The following ZNF362 variants were observed in gnomAD, a reference collection of about 807,000 sequenced individuals.
ZNF362 encodes the protein rotund homolog.
A neutral mutation model predicts 42.9 loss-of-function variants in ZNF362; 11 were observed. The observed-to-expected ratio is 0.26, with a 90% confidence interval of 0.16 to 0.42. ZNF362 has a LOEUF of 0.42. ZNF362 is among the 20% of genes least tolerant of loss of function. The pLI is 1.00. For synonymous variants in ZNF362, 255 were observed against 257.3 expected (o/e 0.99, Z 0.09); for missense variants, 362 against 576.2 (o/e 0.63, Z 3.81).
chr1:33,270,917 T>C (rs762632034), intron 2 of ZNF362, among the ~76,000 whole-genome samples: 74 of 152,286 alleles, frequency 4.9e-4, no homozygotes, highest in Non-Finnish European at 6.3e-4. Flanking sequence ...TTTGTCAGCA[T>C]TGGTATGCAG....
chr1:33,134,754 C>T, the ZNF362 span, among the ~76,000 whole-genome samples: 39 of 152,326 alleles, frequency 2.6e-4, no homozygotes, highest in Admixed American at 1.3e-3. Flanking sequence ...CAGCTTGCTG[C>T]GCCTGCCCTC....
At position 33,299,120 on chromosome 1, in the gene ZNF362, C is replaced by A; in HGVS notation, c.*74C>A. 1 of 1,170,086 alleles carries A rather than the reference C, an allele frequency of 8.5e-7. No individual in the cohort carries two copies. The highest frequency in any genetic ancestry group is 1.3e-6 in the Non-Finnish European group (1 of 797,334). 72.5% of individuals were successfully genotyped at this position (1,170,086 alleles called of 1,614,324 possible). ...AGGCAGCACCAGGCCCCAGCTCCCT[C>A]CGGGGGCCCTCCAGGAACCACCAAG... On this transcript the variant is annotated 3_prime_UTR_variant, in exon 9 of 9. Coordinates refer to ENST00000539719, the MANE Select transcript of ZNF362 (RefSeq NM_152493.3).
At chr1:33,164,739 T>C in the ZNF362 span, 7 of 152,200 alleles carry the variant, frequency 4.6e-5, no homozygotes, top group African/African-American at 1.7e-4. Context: ...GGGGACATGC[T>C]CAGGATTGAC....
rs1436406314 is a variant in ZNF362, at chr1:33,276,359, G to T, written c.114G>T (p.Leu38=). 7.1e-6 allele frequency: 11 copies of T among 1,559,052 alleles called. No homozygotes were observed. Among genetic ancestry groups the T allele is most frequent in the Non-Finnish European group, 9.6e-6 (11 of 1,151,104 alleles). The stretch of plus-strand genomic sequence containing the variant: ...TCTTCTTCCCGCAGCTGGACAACCT[G>T]GTTCTGATTAACAAGATCAAGGAGC... ...PPTMPSQLDN[L]VLINKIKEQL... Residue 38 remains leucine, a synonymous_variant, in exon 4 of 9, where the codon CTG becomes CTT. Coordinates refer to ENST00000539719, the MANE Select transcript of ZNF362 (RefSeq NM_152493.3).
chr1:33,227,408 G>T, the ZNF362 span, among the ~76,000 whole-genome samples: 1 of 152,138 alleles, frequency 6.6e-6, no homozygotes, highest in African/African-American at 2.4e-5. Context: ...CTCTTTAGAT[G>T]TTCCTGCTCA....
chr1:33,197,632 G>A, the ZNF362 span, among the ~76,000 whole-genome samples: 1 of 152,170 alleles, frequency 6.6e-6, no homozygotes, highest in Non-Finnish European at 1.5e-5. Context: ...TTACTGCCTA[G>A]AAAGAGTTTC....
chr1:33,264,579 T>TG, intron 1 of ZNF362, among the ~76,000 whole-genome samples: 1 of 152,340 alleles, frequency 6.6e-6, no homozygotes, highest in Non-Finnish European at 1.5e-5. Context: ...AGGCCTGAGC[T>TG]GGGGCTATCT....
At chr1:33,293,032 G>T (rs983086766) in intron 6 of ZNF362, among the ~76,000 whole-genome samples, 2 of 152,244 alleles carry the variant, frequency 1.3e-5, no homozygotes, top group African/African-American at 4.8e-5. Flanking sequence ...ACTGGGGCCC[G>T]TCCCTGCCCT....
the ZNF362 span, among the ~76,000 whole-genome samples, chr1:33,237,494 C>T: frequency 6.6e-6 from 1 of 152,176 alleles, no homozygotes; most frequent in Non-Finnish European, 1.5e-5. Context: ...AAGATGACAT[C>T]GATATGGCTC....
At chr1:33,282,107 G>C (rs186329666) in intron 6 of ZNF362, 1 of 429,188 alleles carries the variant, frequency 2.3e-6, no homozygotes. Context: ...CTTCCTCCAG[G>C]AAGCCCTCCC....
rs562908936 is a variant in ZNF362, at chr1:33,289,872, T to G, written c.909-5065T>G. Among the ~76,000 whole-genome samples the G allele has an allele frequency of 4.6e-5, 7 of 152,260 alleles. No homozygotes were observed. In the East Asian group the frequency reaches 1.4e-3, roughly 29 times the overall value. ...CTGGGAAGCCGATGTCTTTGTTTCCTGCGAGGTGGGCCGCAGGGAGCCTGA... is the reference window on the plus strand; with the variant it reads ...CTGGGAAGCCGATGTCTTTGTTTCCGGCGAGGTGGGCCGCAGGGAGCCTGA... On this transcript the variant is annotated intron_variant, in intron 6 of 8. Transcript: ENST00000539719.
At chr1:33,200,894 G>A in the ZNF362 span, among the ~76,000 whole-genome samples, 1 of 152,210 alleles carries the variant, frequency 6.6e-6, no homozygotes, top group African/African-American at 2.4e-5. Flanking sequence ...ACTATGACTG[G>A]TGTCTTTGTA....
At chr1:33,270,865 T>C (rs1645898000) in intron 2 of ZNF362, among the ~76,000 whole-genome samples, 1 of 152,132 alleles carries the variant, frequency 6.6e-6, no homozygotes, top group Non-Finnish European at 1.5e-5. Flanking sequence ...GTCATTTGTG[T>C]CTGGGTTTGG....
the ZNF362 span, chr1:33,181,351 G>T: frequency 6.3e-7 from 1 of 1,590,668 alleles, no homozygotes. This position sits in a 1 kb window ranked among gnomAD's most constrained non-coding sequence, Gnocchi z 6.5. Context: ...CAGAAGTAAT[G>T]CTCGCAGCCC....
chr1:33,290,856 T>C (rs1300044471), intron 6 of ZNF362, among the ~76,000 whole-genome samples: 2 of 152,270 alleles, frequency 1.3e-5, no homozygotes, highest in African/African-American at 2.4e-5. Context: ...GCTGCATAGA[T>C]GTCTTCTTTT....
At chr1:33,222,298 A>G in the ZNF362 span, among the ~76,000 whole-genome samples, 9 of 152,000 alleles carry the variant, frequency 5.9e-5, no homozygotes, top group Non-Finnish European at 1.2e-4. Flanking sequence ...CACCAACCCT[A>G]TTTCTAACCT....
chr1:33,176,910 C>T, the ZNF362 span, among the ~76,000 whole-genome samples: 1 of 152,222 alleles, frequency 6.6e-6, no homozygotes, highest in Non-Finnish European at 1.5e-5. Flanking sequence ...GGCATTCAGA[C>T]TGGGCTCGAT....
At chr1:33,258,157 G>C (rs1237420491) in intron 1 of ZNF362, among the ~76,000 whole-genome samples, 1 of 152,162 alleles carries the variant, frequency 6.6e-6, no homozygotes, top group Non-Finnish European at 1.5e-5. Context: ...CCTGCCCTAC[G>C]CCCGGGAGGT....
chr1:33,167,001 A>C, the ZNF362 span, among the ~76,000 whole-genome samples: 1 of 152,070 alleles, frequency 6.6e-6, no homozygotes, highest in African/African-American at 2.4e-5. This position sits in a 1 kb window ranked among gnomAD's most constrained non-coding sequence, Gnocchi z 4.2. Flanking sequence ...ACCCTCCCCC[A>C]TCACTCCCAT....
Sources: allele counts gnomAD v4.1 joint callset (sites outside exome capture counted in the v4.1 genomes callset), GRCh38; gene constraint gnomAD v4.1.1; non-coding constraint Gnocchi (gnomAD v3.1); transcripts MANE v1.5; gene names NCBI Gene and HGNC (gene_info 2026-07-23, HGNC 2026-07-21).